Variants in ANKHD1 observed in about 807,000 individuals in gnomAD.
ANKHD1 encodes ankyrin repeat and KH domain-containing protein 1.
Under a neutral mutation model 230.5 loss-of-function variants are expected in ANKHD1, and 31 were observed. The observed-to-expected ratio is 0.13, with a 90% CI of 0.10 to 0.18. The LOEUF is 0.18. ANKHD1 is among the 10% of genes least tolerant of loss of function. The pLI is 1.00. For synonymous variants in ANKHD1, 1,074 were observed against 1,117.6 expected, an observed-to-expected ratio of 0.96 and a Z score of 0.78; for missense variants, 2,256 against 3,071.3, an observed-to-expected ratio of 0.73 and a Z score of 6.27.
At chr5:140,490,223 C>T (rs1751709146) in intron 14 of ANKHD1, among the ~76,000 whole-genome samples, 1 of 152,152 alleles carries the variant, frequency 6.6e-6, no homozygotes, top group African/African-American at 2.4e-5. Flanking sequence ...CTCTTTTCCT[C>T]TTCCAGCGAT....
At chr5:140,517,449 A>G (rs1421978910) in intron 24 of ANKHD1, among the ~76,000 whole-genome samples, 9 of 151,452 alleles carry the variant, frequency 5.9e-5, no homozygotes, top group Non-Finnish European at 1.3e-4. Flanking sequence ...CCTAATAGAC[A>G]TCTACAGAAC....
chr5:140,529,119 C>A lies in ANKHD1; in HGVS notation c.6173C>A (p.Thr2058Asn), dbSNP rs139869301. Residue 2058 changes from threonine (T) to asparagine (N), a missense_variant, in exon 29 of 34, where the codon ACC (threonine) becomes AAC (asparagine). By Grantham distance (65) the Thr-to-Asn change is moderately conservative. Around this residue, in one of 13 missense-constraint regions of ANKHD1, gnomAD observed 778 missense variants for 966.5 expected, o/e 0.80. Transcript: ENST00000360839. ...ANSCSSSASNTPGAPETHPSS... is the reference protein window; with the variant it reads ...ANSCSSSASNNPGAPETHPSS... ...AGTTGCAGTAGCTCTGCCAGCAACA[C>A]CCCGGGAGCTCCAGAAACTCACCCA... The A allele has an allele frequency of 1.4e-4, 225 of 1,613,946 alleles. No homozygotes were observed. Among genetic ancestry groups the A allele is most frequent in the Non-Finnish European group, 1.8e-4 (213 of 1,180,030 alleles).
At chr5:140,406,896 A>G (rs1770505987) in intron 1 of ANKHD1, among the ~76,000 whole-genome samples, 1 of 152,184 alleles carries the variant, frequency 6.6e-6, no homozygotes, top group Non-Finnish European at 1.5e-5. Flanking sequence ...CATTCTTAGC[A>G]TGTTTCTTAG....
chr5:140,519,071 A>G (rs1753189067), intron 24 of ANKHD1, among the ~76,000 whole-genome samples: 1 of 152,260 alleles, frequency 6.6e-6, no homozygotes, highest in African/African-American at 2.4e-5. Flanking sequence ...TTAAGCTGAT[A>G]AGCAACTTCA....
chr5:140,502,332 GA>G (rs1272179630), intron 15 of ANKHD1, among the ~76,000 whole-genome samples: 1 of 152,022 alleles, frequency 6.6e-6, no homozygotes, highest in Non-Finnish European at 1.5e-5. Context: ...TACATGGAGT[GA>G]AAAAATGCTT....
Position 140,402,190 on chromosome 5 carries a change from C to G in ANKHD1, c.223C>G (p.Leu75Val), listed in dbSNP as rs750056985. The G allele has an allele frequency of 5.2e-6, 8 of 1,524,230 alleles. No individual in the cohort carries two copies. Among genetic ancestry groups the G allele is most frequent in the Non-Finnish European group, 7.0e-6 (8 of 1,140,470 alleles). The allele number at this position is 1,524,230 out of a possible 1,614,324, so 94.4% of individuals were successfully genotyped here. The change falls in exon 1 of 34, where the codon CTG (leucine) becomes GTG (valine). Residue 75 changes from leucine (L) to valine (V), a missense_variant. By Grantham distance (32) the Leu-to-Val change is conservative. Around this residue, in one of 13 missense-constraint regions of ANKHD1, gnomAD observed 193 missense variants for 185.8 expected, o/e 1.04. Transcript: ENST00000360839. ...GSGTGGGDAA[L>V]DFKLAAAVLR... ...CGGTACGGGCGGAGGGGACGCGGCG[C>G]TGGATTTCAAGTTGGCGGCTGCCGT... is the stretch of plus-strand genomic sequence containing the variant.
At chr5:140,447,128 C>T (rs954293733) in intron 6 of ANKHD1, among the ~76,000 whole-genome samples, 1 of 152,024 alleles carries the variant, frequency 6.6e-6, no homozygotes, top group South Asian at 2.1e-4. Context: ...AGTCTGGTCT[C>T]CTGACCTCAA....
rs1047133496 is a variant in ANKHD1, at chr5:140,528,166, T to G, written c.5238-18T>G. ...TTTAATGTTTTTGGTCTTGTTTCTG[T>G]TTTTTTTTTTCCCTTAGGGGTGGCA... On this transcript the variant is annotated intron_variant, in intron 28 of 33. Coordinates refer to ENST00000360839, the MANE Select transcript of ANKHD1 (RefSeq NM_017747.3). 1.1e-6 allele frequency: 1 copy of G among 941,378 alleles called. No homozygotes were observed. The highest frequency in any genetic ancestry group is 1.7e-5 in the African/African-American group (1 of 57,434). The allele number at this position is 941,378 out of a possible 1,614,324, so 58.3% of individuals were successfully genotyped here.
At chr5:140,406,998 T>C (rs1021972957) in intron 1 of ANKHD1, among the ~76,000 whole-genome samples, 6 of 152,044 alleles carry the variant, frequency 3.9e-5, no homozygotes, top group Non-Finnish European at 1.5e-5. Context: ...GTTAAAAATT[T>C]CTTAAAAACC....
chr5:140,501,662 A>C (rs935383010), intron 15 of ANKHD1, among the ~76,000 whole-genome samples: 4 of 151,940 alleles, frequency 2.6e-5, no homozygotes, highest in Non-Finnish European at 4.4e-5. Context: ...AGGCAGGAGA[A>C]TCCTTGAACC....
chr5:140,514,267 G>A (rs1470871202), intron 24 of ANKHD1, among the ~76,000 whole-genome samples: 1 of 151,852 alleles, frequency 6.6e-6, no homozygotes, highest in Non-Finnish European at 1.5e-5. Flanking sequence ...GGCTGAGGAG[G>A]GTGGACTGCT....
Position 140,528,913 on chromosome 5 carries a change from C to T in ANKHD1, c.5967C>T (p.Val1989=), listed in dbSNP as rs776334950. ...VTSTCSSLPS[V]SSAPITSGQA... is the part of the protein sequence containing the mutation. The stretch of plus-strand genomic sequence containing the variant: ...GCACTTGTAGTTCCCTGCCTTCTGT[C>T]TCCTCTGCACCTATCACTAGCGGGC... Residue 1989 remains valine (V), a synonymous_variant, in exon 29 of 34, where the codon GTC becomes GTT. Transcript: ENST00000360839. 1.2e-6 allele frequency: 2 copies of T among 1,614,212 alleles called. No individual in the cohort carries two copies. Among genetic ancestry groups the T allele is most frequent in the Non-Finnish European group, 1.7e-6 (2 of 1,180,046 alleles).
intron 14 of ANKHD1, 28 bp from the exon 15 acceptor site, chr5:140,496,492 C>T (rs1246859356): frequency 4.7e-6 from 3 of 637,002 alleles, no homozygotes; most frequent in Non-Finnish European, 6.6e-6. Flanking sequence ...TAGCATGGCA[C>T]TCTTTCAAAC....
chr5:140,510,078 A>T lies in ANKHD1; in HGVS notation c.4001A>T (p.Asn1334Ile). The T allele has an allele frequency of 6.2e-7, 1 of 1,614,132 alleles. No homozygotes were observed. The highest frequency in any genetic ancestry group is 1.1e-5 in the South Asian group (1 of 91,078). Residue 1334 changes from asparagine to isoleucine, a missense_variant, in exon 22 of 34, where the codon AAT becomes ATT. Asn to Ile is a moderately radical substitution (Grantham distance 149). Transcript: ENST00000360839. ...AATACGCCACTTTGGCTGGCATCCA[A>T]TGGAGGTCATTTTGATGTTGTGCAG... Reference protein sequence around the residue: ...KGNTPLWLASNGGHFDVVQLL... With the variant: ...KGNTPLWLASIGGHFDVVQLL...
At chr5:140,535,220 G>C in intron 29 of ANKHD1, 142 bp from the exon 30 acceptor site, 1 of 1,300,828 alleles carries the variant, frequency 7.7e-7, no homozygotes, top group Admixed American at 3.1e-5. Flanking sequence ...TTTTGCTGTG[G>C]TCTATGAAAA....
chr5:140,429,148 C>T (rs571169496), intron 1 of ANKHD1, among the ~76,000 whole-genome samples: 1 of 147,492 alleles, frequency 6.8e-6, no homozygotes, highest in South Asian at 2.1e-4. Flanking sequence ...GGCTGAAGTG[C>T]AGTGGCACAA....
intron 13 of ANKHD1, 172 bp from the exon 14 acceptor site, chr5:140,486,786 A>G: frequency 2.0e-6 from 1 of 510,122 alleles, no homozygotes; most frequent in South Asian, 2.8e-5. Context: ...CTGTCTAATC[A>G]TTAGTCTCAA....
intron 10 of ANKHD1, among the ~76,000 whole-genome samples, chr5:140,469,429 C>T (rs1392266473): frequency 1.3e-5 from 2 of 151,768 alleles, no homozygotes; most frequent in Admixed American, 6.6e-5. Flanking sequence ...ATTGCTTGAG[C>T]CCAGGAAGCG....
intron 6 of ANKHD1, among the ~76,000 whole-genome samples, chr5:140,448,420 A>G (rs1774454829): frequency 6.6e-6 from 1 of 152,166 alleles, no homozygotes; most frequent in South Asian, 2.1e-4. Context: ...GCTGGGTCAA[A>G]GGGTATGGAC....
Sources: gnomAD v4.1 joint callset for allele counts (sites outside exome capture counted in the v4.1 genomes callset) on GRCh38, gnomAD v4.1.1 for gene constraint, gnomAD v4.1.1 regional missense constraint, MANE v1.5 for transcripts, NCBI Gene and HGNC (gene_info 2026-07-23, HGNC 2026-07-21) for gene names.